Variants in PDGFRA observed in about 807,000 individuals in gnomAD.
PDGFRA encodes platelet-derived growth factor receptor alpha.
PDGFRA carries 25 observed loss-of-function variants against 121.5 expected under a neutral mutation model. That is an observed-to-expected ratio of 0.21 (90% CI 0.15 to 0.29). The LOEUF (loss-of-function observed/expected upper bound fraction) is 0.29. Ranked by LOEUF, PDGFRA falls within the 10% of genes least tolerant of loss-of-function variation. The pLI is 1.00. For synonymous variants in PDGFRA, 463 were observed against 494.8 expected, an observed-to-expected ratio of 0.94 and a Z score of 0.85; for missense variants, 1,008 against 1,345.1, an observed-to-expected ratio of 0.75 and a Z score of 3.92.
In PDGFRA at chr4:54,273,786, G is replaced by A. The variant is rs56242721; in HGVS notation, c.1558+56G>A. The A allele has an allele frequency of 5.9e-5, 85 of 1,447,996 alleles. 1 individual carries two copies. Among genetic ancestry groups the A allele is most frequent in the East Asian group, 2.3e-4 (10 of 44,008 alleles). 89.7% of individuals were successfully genotyped at this position (1,447,996 alleles called of 1,614,324 possible). On this transcript the variant is annotated intron_variant, in intron 10 of 22. Transcript: ENST00000257290. ...CAGCTGAGCCGCATCTGCCCCAGGC[G>A]GAACTTTGAATCCCAGATAGGGGTT...
rs532848728 is a variant in PDGFRA, at chr4:54,279,995, G to C, written c.2157-321G>C. Among the ~76,000 whole-genome samples the C allele has an allele frequency of 3.9e-5, 6 of 151,952 alleles. No individual in the cohort carries two copies. In the East Asian group the frequency reaches 1.2e-3, roughly 29 times the overall value. ...CCACTCCTTGATTGATGGGCATTTG[G>C]GGTTGGTTCCACATTTTTTCAATAT... On this transcript the variant is annotated intron_variant, in intron 15 of 22. Coordinates refer to ENST00000257290, the MANE Select transcript of PDGFRA (RefSeq NM_006206.6).
intron 1 of PDGFRA, among the ~76,000 whole-genome samples, chr4:54,240,934 G>A (rs75978802): frequency 0.1 from 15,469 of 152,222 alleles, 1,042 homozygotes; most frequent in Non-Finnish European, 0.14. Context: ...GTGTATAAAT[G>A]TCTAGATGTG....
Position 54,274,629 on chromosome 4 carries a change from G to C in PDGFRA, c.1653+4G>C, listed in dbSNP as rs1577726307. The C allele has an allele frequency of 6.2e-7, 1 of 1,603,026 alleles. No homozygotes were observed. The highest frequency in any genetic ancestry group is 8.5e-7 in the Non-Finnish European group (1 of 1,169,882). On this transcript the variant is annotated splice_donor_region_variant and intron_variant, in intron 11 of 22. Coordinates refer to ENST00000257290, the MANE Select transcript of PDGFRA (RefSeq NM_006206.6). ...CCTGGTTGTCATTTGGAAACAGGTAGATATTTTCTCATAAAACTAAAGATC... is the reference window on the plus strand; with the variant it reads ...CCTGGTTGTCATTTGGAAACAGGTACATATTTTCTCATAAAACTAAAGATC...
intron 7 of PDGFRA, among the ~76,000 whole-genome samples, chr4:54,269,644 C>CTTT (rs569943950): frequency 6.3e-5 from 8 of 126,434 alleles, no homozygotes; most frequent in East Asian, 2.3e-4. Context: ...TTTTTTCTAA[C>CTTT]TTTTTTTTTT....
chr4:54,285,975 C>T lies in PDGFRA; in HGVS notation c.2562+12C>T, dbSNP rs1724342617. Reference sequence around the variant, plus strand: ...TGTCGAAAGGCAGTGTACGTCCTCACTTCCCTCACTGGTCAGGCTCATCCT... The same window carrying T: ...TGTCGAAAGGCAGTGTACGTCCTCATTTCCCTCACTGGTCAGGCTCATCCT... On this transcript the variant is annotated intron_variant, in intron 18 of 22. Transcript: ENST00000257290. The T allele has an allele frequency of 6.2e-7, 1 of 1,613,392 alleles. No homozygotes were observed. The highest frequency in any genetic ancestry group is 8.5e-7 in the Non-Finnish European group (1 of 1,179,330).
At chr4:54,280,174 G>C (rs535033791) in intron 15 of PDGFRA, 142 bp from the exon 16 acceptor site, 1 of 658,672 alleles carries the variant, frequency 1.5e-6, no homozygotes, top group African/African-American at 1.8e-5. Context: ...CACCTCATGT[G>C]AAAGGTATGG....
intron 9 of PDGFRA, 33 bp from the exon 10 acceptor site, chr4:54,273,504 T>C (rs749090398): frequency 3.2e-6 from 5 of 1,557,962 alleles, no homozygotes; most frequent in Admixed American, 1.7e-5. Flanking sequence ...CTCTCAGGAA[T>C]TGGCCCTATA....
In PDGFRA at chr4:54,239,829, A is replaced by T. The variant is rs547095360; in HGVS notation, c.-13+10414A>T. ...ACCTTTTCTCTTTAGTTTCTTTTTT[A>T]AAAAAAATTTTAAATTATTTATTTA... On this transcript the variant is annotated intron_variant, in intron 1 of 22. Transcript: ENST00000257290. Among the ~76,000 whole-genome samples, 208 of 151,750 alleles carry T rather than the reference A, an allele frequency of 1.4e-3. 2 individuals carry two copies. Among genetic ancestry groups the T allele is most frequent in the South Asian group, 6.9e-3 (33 of 4,816 alleles).
At chr4:54,273,141 C>A (rs1401840187) in intron 9 of PDGFRA, among the ~76,000 whole-genome samples, 1 of 152,120 alleles carries the variant, frequency 6.6e-6, no homozygotes, top group African/African-American at 2.4e-5. Flanking sequence ...CTAGTGACAC[C>A]CTAGGGGCTC....
chr4:54,295,715 C>T lies in PDGFRA; in HGVS notation c.*443C>T. 1 of 261,444 alleles carries T rather than the reference C, an allele frequency of 3.8e-6. No homozygotes were observed. Among genetic ancestry groups the T allele is most frequent in the Non-Finnish European group, 7.4e-6 (1 of 134,488 alleles). The allele number at this position is 261,444 out of a possible 1,614,324, so 16.2% of individuals were successfully genotyped here. ...AGAGACCACTCAATCCATCCATGTA[C>T]TTCCCTCTTGAAACCTGATGTCAGC... On this transcript the variant is annotated 3_prime_UTR_variant, in exon 23 of 23. Coordinates refer to ENST00000257290, the MANE Select transcript of PDGFRA (RefSeq NM_006206.6).
intron 1 of PDGFRA, among the ~76,000 whole-genome samples, chr4:54,236,652 A>C (rs1026803037): frequency 5.3e-5 from 8 of 152,078 alleles, no homozygotes; most frequent in African/African-American, 1.9e-4. Context: ...AAATACAAGA[A>C]ATTAGCTGGC....
Position 54,290,840 on chromosome 4 carries a change from A to T in PDGFRA, c.3122+286A>T, listed in dbSNP as rs377238369. On this transcript the variant is annotated intron_variant, in intron 22 of 22. Coordinates refer to ENST00000257290, the MANE Select transcript of PDGFRA (RefSeq NM_006206.6). ...ATTCTCAGGTAATTTGATCAAATTGATACAGAACTGTGATTACTGAGATCA... is the reference window on the plus strand; with the variant it reads ...ATTCTCAGGTAATTTGATCAAATTGTTACAGAACTGTGATTACTGAGATCA... Among the ~76,000 whole-genome samples the T allele has an allele frequency of 9.9e-5, 15 of 152,272 alleles. No individual in the cohort carries two copies. In the East Asian group the frequency reaches 1.9e-3, roughly 20 times the overall value.
At chr4:54,240,172 C>T in intron 1 of PDGFRA, 1 of 219,710 alleles carries the variant, frequency 4.6e-6, no homozygotes, top group African/African-American at 2.3e-5. Context: ...TTTTTAATGA[C>T]TGGCTGTTTG....
At chr4:54,237,926 C>T (rs1307634722) in intron 1 of PDGFRA, among the ~76,000 whole-genome samples, 1 of 152,206 alleles carries the variant, frequency 6.6e-6, no homozygotes, top group Non-Finnish European at 1.5e-5. Context: ...GCGTTTGTAT[C>T]ACACGACCTT....
chr4:54,233,569 C>T (rs372278713), intron 1 of PDGFRA, among the ~76,000 whole-genome samples: 3 of 152,246 alleles, frequency 2.0e-5, no homozygotes, highest in East Asian at 1.9e-4. Flanking sequence ...GGGCCCGGAG[C>T]GGAGGCTAAT....
At chr4:54,288,976 C>A in intron 20 of PDGFRA, 33 bp from the exon 21 acceptor site, 1 of 1,533,084 alleles carries the variant, frequency 6.5e-7, no homozygotes, top group Non-Finnish European at 9.0e-7. Context: ...TGAGACTTCC[C>A]CCTGTGCCCA....
At chr4:54,284,071 C>A (rs1218040237) in intron 16 of PDGFRA, among the ~76,000 whole-genome samples, 1 of 152,208 alleles carries the variant, frequency 6.6e-6, no homozygotes, top group Non-Finnish European at 1.5e-5. Flanking sequence ...TCCACATATT[C>A]CTAGGGCATG....
At chr4:54,264,708 AT>A in intron 4 of PDGFRA, 1 of 496,244 alleles carries the variant, frequency 2.0e-6, no homozygotes, top group Non-Finnish European at 3.6e-6. Flanking sequence ...TATTGTTATT[AT>A]TTTGTAATTC....
intron 7 of PDGFRA, among the ~76,000 whole-genome samples, chr4:54,268,087 G>A (rs2110269090): frequency 1.3e-5 from 2 of 152,306 alleles, no homozygotes; most frequent in East Asian, 3.9e-4. Context: ...CATATCGCAA[G>A]TAGACAGATA....
Sources: gnomAD v4.1 joint callset for allele counts (sites outside exome capture counted in the v4.1 genomes callset) on GRCh38, gnomAD v4.1.1 for gene constraint, MANE v1.5 for transcripts, NCBI Gene and HGNC (gene_info 2026-07-23, HGNC 2026-07-21) for gene names.